TK2: variants seen among roughly 807,000 people sequenced by gnomAD.
TK2 encodes thymidine kinase 2, also known as thymidine kinase 2, mitochondrial.
TK2 carries 35 observed loss-of-function variants against 41.9 expected under a neutral mutation model. That is an observed-to-expected ratio of 0.84 (90% CI 0.64 to 1.11). The LOEUF is 1.11. Among genes scored for constraint, TK2 ranks in the 50% least tolerant of loss-of-function variants. The pLI, the probability that TK2 is intolerant of heterozygous loss-of-function variation, is 0.00. For synonymous variants in TK2, 128 were observed against 129.1 expected (o/e 0.99, Z 0.06); for missense variants, 320 against 351.1 (o/e 0.91, Z 0.71).
chr16:66,526,158 T>G (rs1319418213), intron 6 of TK2, among the ~76,000 whole-genome samples: 1 of 152,120 alleles, frequency 6.6e-6, no homozygotes, highest in South Asian at 2.1e-4. Flanking sequence ...CTGGGTGGCC[T>G]ACAGGTTTGG....
intron 3 of TK2, among the ~76,000 whole-genome samples, chr16:66,538,098 G>T (rs917843205): frequency 6.6e-6 from 1 of 152,156 alleles, no homozygotes; most frequent in Non-Finnish European, 1.5e-5. Flanking sequence ...AGGAGGCAAA[G>T]GTTGCAGTGA....
intron 4 of TK2, among the ~76,000 whole-genome samples, chr16:66,534,025 A>AG (rs1272609397): frequency 1.3e-5 from 2 of 151,202 alleles, no homozygotes; most frequent in Non-Finnish European, 2.9e-5. Context: ...AAAAAAAAAA[A>AG]AAGATTGGAT....
intron 4 of TK2, among the ~76,000 whole-genome samples, chr16:66,533,492 G>C (rs1352904980): frequency 6.6e-6 from 1 of 152,072 alleles, no homozygotes; most frequent in Non-Finnish European, 1.5e-5. Flanking sequence ...AAAGGTTACA[G>C]TGAGCTATAA....
chr16:66,524,966 C>G (rs1233624926), intron 6 of TK2: 2 of 152,300 alleles, frequency 1.3e-5, no homozygotes, highest in East Asian at 3.8e-4. Context: ...TGCCCCCACA[C>G]AGCAGGGTTC....
At chr16:66,541,113 G>T (rs1317114593) in intron 3 of TK2, among the ~76,000 whole-genome samples, 1 of 152,122 alleles carries the variant, frequency 6.6e-6, no homozygotes, top group Non-Finnish European at 1.5e-5. Context: ...TTAAAATATT[G>T]TATAAAATTA....
chr16:66,521,809 C>T (rs964526777), intron 6 of TK2, among the ~76,000 whole-genome samples: 1 of 152,194 alleles, frequency 6.6e-6, no homozygotes, highest in African/African-American at 2.4e-5. Context: ...AATCCAAGCA[C>T]ACAACTCAAC....
At chr16:66,535,758 AATGAATGGATGAAT>A (rs1965257291) in intron 4 of TK2, among the ~76,000 whole-genome samples, 3 of 152,204 alleles carry the variant, frequency 2.0e-5, no homozygotes, top group Non-Finnish European at 4.4e-5. Context: ...ATATTGGTTG[AATGAATGGATGAAT>A]GCACAAGCCC....
In TK2 at chr16:66,517,150, TC is replaced by T. The variant is rs1356385237; in HGVS notation, c.603del (p.Lys202ArgfsTer33). 6 of 1,613,934 alleles carry T rather than the reference TC, an allele frequency of 3.7e-6. No individual in the cohort carries two copies. Among genetic ancestry groups the T allele is most frequent in the African/African-American group, 2.7e-5 (2 of 74,900 alleles). On this transcript the variant is annotated frameshift_variant, in exon 8 of 10. Coordinates refer to ENST00000544898, the MANE Select transcript of TK2 (RefSeq NM_004614.5). LOFTEE classifies it high-confidence loss of function. This position sits in a 1 kb window ranked among gnomAD's most constrained non-coding sequence, Gnocchi z 4.3. ...QRLKKRCREE[E>X]KVIPLEYLEA... ...AGGCCTCTTACCAGCGGAATGACCT[TC>T]TCCTCTTCCCTGCATCTCTTCTTTA...
rs190315543 is a variant in TK2 at position 66,541,978 on chromosome 16, G to C, written c.157-25C>G. The C allele has an allele frequency of 6.2e-6, 10 of 1,613,016 alleles. No homozygotes were observed. The Admixed American group carries it at 1.0e-4, about 16-fold the overall frequency. Reference sequence around the variant, plus strand: ...TCTGGCAAAAGACGAATGCATATTAGAGCCAGAACTCAAGCACCCAGGGGA... The same window carrying C: ...TCTGGCAAAAGACGAATGCATATTACAGCCAGAACTCAAGCACCCAGGGGA... On this transcript the variant is annotated intron_variant, in intron 2 of 9. Transcript: ENST00000544898.
At chr16:66,529,751 G>A (rs1965051173) in intron 5 of TK2, among the ~76,000 whole-genome samples, 1 of 152,154 alleles carries the variant, frequency 6.6e-6, no homozygotes, top group Admixed American at 6.5e-5. Flanking sequence ...CATGGGACCT[G>A]GGCCAACAAA....
intron 6 of TK2, 140 bp downstream of exon 6, chr16:66,528,854 T>C (rs1405282896): frequency 1.7e-5 from 14 of 814,738 alleles, no homozygotes; most frequent in Non-Finnish European, 2.8e-5. Context: ...TCGTGGCTGT[T>C]TGTTACACCG....
At chr16:66,518,993 G>A (rs937107973) in intron 6 of TK2, among the ~76,000 whole-genome samples, 6 of 150,718 alleles carry the variant, frequency 4.0e-5, no homozygotes, top group South Asian at 2.1e-4. Context: ...ACGTAGTGTC[G>A]CTCTGTCGCC....
At chr16:66,535,785 A>C (rs921866545) in intron 4 of TK2, among the ~76,000 whole-genome samples, 3 of 152,264 alleles carry the variant, frequency 2.0e-5, no homozygotes, top group Non-Finnish European at 4.4e-5. Context: ...ACAAGCCCCT[A>C]CTAAGTGCTA....
intron 6 of TK2, among the ~76,000 whole-genome samples, chr16:66,522,994 C>T (rs1048535279): frequency 1.3e-5 from 2 of 152,252 alleles, no homozygotes; most frequent in African/African-American, 4.8e-5. Flanking sequence ...ACCCCAACCT[C>T]GCCAGGGTAG....
chr16:66,529,093 C>G (rs543594966), intron 5 of TK2, 26 bp from the exon 6 acceptor site: 1 of 1,610,752 alleles, frequency 6.2e-7, no homozygotes, highest in Non-Finnish European at 8.5e-7. Context: ...AAGAGAATCA[C>G]TAACTCAGGG....
Position 66,529,041 on chromosome 16 carries a change from C to A in TK2, c.402G>T (p.Arg134Ser). Residue 134 changes from arginine (R) to serine (S), a missense_variant, in exon 6 of 10, where the codon AGG becomes AGT. Transcript: ENST00000544898. The part of the protein sequence containing the change: ...PQVSSVRLME[R>S]SIHSARYIFV... Reference sequence around the variant, plus strand: ...AAATGTATCTTGCGCTGTGAATCGACCTCTCCATCAACCGTACAGATGACA... The same window carrying A: ...AAATGTATCTTGCGCTGTGAATCGAACTCTCCATCAACCGTACAGATGACA... 3 of 1,614,104 alleles carry A rather than the reference C, an allele frequency of 1.9e-6. No individual in the cohort carries two copies. The highest frequency in any genetic ancestry group is 1.1e-5 in the South Asian group (1 of 91,080).
At chr16:66,518,831 T>C (rs1830109683) in intron 6 of TK2, among the ~76,000 whole-genome samples, 1 of 152,264 alleles carries the variant, frequency 6.6e-6, no homozygotes, top group Admixed American at 6.5e-5. Context: ...TTTCTCAAGC[T>C]GCAGGACTAC....
chr16:66,508,775 C>A lies in TK2; in HGVS notation c.*3193G>T, dbSNP rs768065808. Reference sequence around the variant, plus strand: ...TTCTCATCTAGGTAAAGGGCTCCTACGGAAATGAAAGGGGCAGAAAGAGAA... The same window carrying A: ...TTCTCATCTAGGTAAAGGGCTCCTAAGGAAATGAAAGGGGCAGAAAGAGAA... On this transcript the variant is annotated 3_prime_UTR_variant, in exon 10 of 10. Coordinates refer to ENST00000544898, the MANE Select transcript of TK2 (RefSeq NM_004614.5). 3 of 152,156 alleles carry A rather than the reference C, an allele frequency of 2.0e-5. No individual in the cohort carries two copies. The highest frequency in any genetic ancestry group is 2.9e-5 in the Non-Finnish European group (2 of 68,062). The allele number at this position is 152,156 out of a possible 1,614,324, so 9.4% of individuals were successfully genotyped here.
intron 6 of TK2, among the ~76,000 whole-genome samples, chr16:66,525,588 G>A (rs1352799588): frequency 1.3e-5 from 2 of 152,120 alleles, no homozygotes; most frequent in Non-Finnish European, 2.9e-5. Flanking sequence ...TCATCTCTCT[G>A]GAGACCATGG....
Sources: allele counts gnomAD v4.1 joint callset (sites outside exome capture counted in the v4.1 genomes callset), GRCh38; gene constraint gnomAD v4.1.1; non-coding constraint Gnocchi (gnomAD v3.1); transcripts MANE v1.5; gene names NCBI Gene and HGNC (gene_info 2026-07-23, HGNC 2026-07-21).